CD40LG: variants seen among roughly 807,000 people sequenced by gnomAD.
The protein encoded by CD40LG is CD40 antigen ligand.
Under a neutral mutation model 17.2 loss-of-function variants are expected in CD40LG, and 1 was observed. That is an observed-to-expected ratio of 0.06 (90% CI 0.02 to 0.28). The LOEUF is 0.28. CD40LG is among the 10% of genes least tolerant of loss of function. The pLI is 1.00. For missense variants in CD40LG, 133 were observed against 193.2 expected (o/e 0.69, Z 1.85); for synonymous variants, 66 against 74.4 (o/e 0.89, Z 0.58).
At chrX:136,651,630 C>T (rs1408922823) in intron 2 of CD40LG, among the ~76,000 whole-genome samples, 4 of 111,677 alleles carry the variant, frequency 3.6e-5, no homozygotes, top group Admixed American at 1.9e-4. Flanking sequence ...TGAGTTTCTT[C>T]GGTTCTTCGA....
intron 4 of CD40LG, among the ~76,000 whole-genome samples, chrX:136,657,088 C>T (rs192708840): frequency 1.7e-4 from 19 of 111,807 alleles, no homozygotes; most frequent in Non-Finnish European, 3.4e-4. Flanking sequence ...GAAACATGCA[C>T]GCTAACATAA....
chrX:136,649,441 G>C (rs775086315), intron 1 of CD40LG, among the ~76,000 whole-genome samples: 1 of 112,274 alleles, frequency 8.9e-6, no homozygotes, highest in Non-Finnish European at 1.9e-5. Context: ...GGGGCTTCTG[G>C]TCTGGTTGGT....
Position 136,650,471 on chromosome X carries a change from T to A in CD40LG, c.288+74T>A. ...ATTTGCTAGATCGGGAAACTGACAA[T>A]GCCAATGTTTAAAGATTGGTTATAG... On this transcript the variant is annotated intron_variant, in intron 2 of 4. Coordinates refer to ENST00000370629, the MANE Select transcript of CD40LG (RefSeq NM_000074.3). 21 of 958,394 alleles carry A rather than the reference T, an allele frequency of 2.2e-5. No individual in the cohort carries two copies. The South Asian group carries it at 4.1e-4, about 19-fold the overall frequency. The allele number at this position is 958,394 out of a possible 1,213,427, so 79.0% of individuals were successfully genotyped here.
chrX:136,651,194 A>G (rs951760844), intron 2 of CD40LG, among the ~76,000 whole-genome samples: 1 of 111,159 alleles, frequency 9.0e-6, no homozygotes, highest in African/African-American at 3.3e-5. Flanking sequence ...CTGAGGCAGA[A>G]CATCAAGAGT....
intron 3 of CD40LG, 106 bp downstream of exon 3, chrX:136,654,536 C>A: frequency 1.7e-6 from 1 of 591,715 alleles, no homozygotes; most frequent in Non-Finnish European, 2.9e-6. Flanking sequence ...GAACTTTTAG[C>A]CCTGGAAATA....
intron 1 of CD40LG, 49 bp from the exon 2 acceptor site, chrX:136,650,217 T>C (rs761683992): frequency 2.3e-5 from 23 of 1,001,885 alleles, no homozygotes; most frequent in Non-Finnish European, 3.1e-5. Flanking sequence ...TCATTAGCTG[T>C]ATTCTCCTTC....
intron 2 of CD40LG, among the ~76,000 whole-genome samples, chrX:136,652,559 C>T (rs1243019016): frequency 9.0e-6 from 1 of 111,255 alleles, no homozygotes; most frequent in African/African-American, 3.3e-5. Context: ...TCTCCACCTC[C>T]TGACTAAGTG....
intron 4 of CD40LG, 129 bp from the exon 5 acceptor site, chrX:136,658,910 C>T (rs1400061286): frequency 2.9e-6 from 2 of 701,176 alleles, no homozygotes; most frequent in Non-Finnish European, 4.5e-6. Context: ...GACTCTGAAG[C>T]CCATGGAAGG....
rs2076100334 is a variant in CD40LG, at chrX:136,650,277, A to C, written c.168A>C (p.Glu56Asp). 1 of 1,182,931 alleles carries C rather than the reference A, an allele frequency of 8.5e-7. No individual in the cohort carries two copies. The highest frequency in any genetic ancestry group is 1.8e-5 in the African/African-American group (1 of 56,581). ...LHRRLDKIED[E>D]RNLHEDFVFM... ...TTATTCCAAAATAGATAGAAGATGA[A>C]AGGAATCTTCATGAAGATTTTGTAT... The change falls in exon 2 of 5, where the codon GAA (glutamate) becomes GAC (aspartate). Residue 56 changes from glutamate to aspartate, a missense_variant. By Grantham distance (45) the Glu-to-Asp change is conservative. Transcript: ENST00000370629.
Position 136,656,428 on chromosome X carries a change from A to C in CD40LG, c.409+10A>C, listed in dbSNP as rs1384262221. On this transcript the variant is annotated intron_variant, in intron 4 of 4. Transcript: ENST00000370629. The stretch of plus-strand genomic sequence containing the variant: ...AGTAAAACAACATCTGGTAAGTCAC[A>C]CAGCATCTGAGCGGTAGCCACCCAA... The C allele has an allele frequency of 8.4e-7, 1 of 1,192,170 alleles. No individual in the cohort carries two copies.
chrX:136,660,070 C>A lies in CD40LG; in HGVS notation c.*655C>A, dbSNP rs2076131116. 9.7e-6 allele frequency: 1 copy of A among 102,710 alleles called. No homozygotes were observed. Among genetic ancestry groups the A allele is most frequent in the Non-Finnish European group, 2.0e-5 (1 of 51,037 alleles). The allele number at this position is 102,710 out of a possible 1,213,427, so 8.5% of individuals were successfully genotyped here. A position where few individuals can be genotyped will look rare whatever the true frequency, so the allele number is the denominator to read the frequency against. On this transcript the variant is annotated 3_prime_UTR_variant, in exon 5 of 5. Transcript: ENST00000370629. ...CTCTGTTTCCCTTTGTCAGTCTCTTCCCTCCCCCAGTCTCTCTTCTCAATC... is the reference window on the plus strand; with the variant it reads ...CTCTGTTTCCCTTTGTCAGTCTCTTACCTCCCCCAGTCTCTCTTCTCAATC...
chrX:136,649,115 G>A (rs1010160897), intron 1 of CD40LG, among the ~76,000 whole-genome samples: 1 of 112,244 alleles, frequency 8.9e-6, no homozygotes, highest in Admixed American at 9.4e-5. Flanking sequence ...AAACCATCAG[G>A]ACTTATTTTG....
intron 2 of CD40LG, among the ~76,000 whole-genome samples, chrX:136,650,612 C>T (rs1293107579): frequency 9.1e-6 from 1 of 109,592 alleles, no homozygotes; most frequent in Non-Finnish European, 1.9e-5. Context: ...GGGGAAAATA[C>T]ACCCTTAGGG....
chrX:136,660,120 AC>A lies in CD40LG; in HGVS notation c.*706del, dbSNP rs2076132008. The A allele has an allele frequency of 1.2e-5, 1 of 85,773 alleles. No individual in the cohort carries two copies. The highest frequency in any genetic ancestry group is 4.9e-5 in the African/African-American group (1 of 20,247). The allele number at this position is 85,773 out of a possible 1,213,427, so 7.1% of individuals were successfully genotyped here. A position where few individuals can be genotyped will look rare whatever the true frequency, so the allele number is the denominator to read the frequency against. Reference sequence around the variant, plus strand: ...CCCCCTTTCTAACACACACACACACACACACACACACACACACACACACACA... The same window carrying A: ...CCCCCTTTCTAACACACACACACACAACACACACACACACACACACACACA... On this transcript the variant is annotated 3_prime_UTR_variant, in exon 5 of 5. Transcript: ENST00000370629.
chrX:136,654,031 A>T (rs1345737376), intron 2 of CD40LG, among the ~76,000 whole-genome samples: 1 of 112,138 alleles, frequency 8.9e-6, no homozygotes, highest in East Asian at 2.8e-4. Flanking sequence ...TCATCTCCCC[A>T]TTCGGCATTA....
At position 136,654,394 on chromosome X, in the gene CD40LG, G is replaced by A. The variant is rs752210787; in HGVS notation, c.310G>A (p.Glu104Lys). ...FVKDIMLNKEETKKENSFEMQ... is the reference protein window; with the variant it reads ...FVKDIMLNKEKTKKENSFEMQ... Reference sequence around the variant, plus strand: ...TTAGGATATAATGTTAAACAAAGAGGAGACGAAGAAAGAAAACAGCTTTGA... The same window carrying A: ...TTAGGATATAATGTTAAACAAAGAGAAGACGAAGAAAGAAAACAGCTTTGA... The change falls in exon 3 of 5, where the codon GAG (glutamate) becomes AAG (lysine). Residue 104 changes from glutamate to lysine, a missense_variant. Physicochemically the swap from Glu to Lys is moderately conservative, Grantham distance 56. Coordinates refer to ENST00000370629, the MANE Select transcript of CD40LG (RefSeq NM_000074.3). 1.1e-5 allele frequency: 13 copies of A among 1,202,064 alleles called. No homozygotes were observed. The highest frequency in any genetic ancestry group is 1.4e-5 in the Non-Finnish European group (12 of 886,724).
intron 3 of CD40LG, 117 bp downstream of exon 3, chrX:136,654,547 A>C (rs1022660766): frequency 1.8e-6 from 1 of 546,042 alleles, no homozygotes; most frequent in East Asian, 3.5e-5. Flanking sequence ...CCTGGAAATA[A>C]AACAGGAACA....
At position 136,659,883 on chromosome X, in the gene CD40LG, C is replaced by T; in HGVS notation, c.*468C>T. The T allele has an allele frequency of 9.2e-6, 1 of 109,282 alleles. No homozygotes were observed. The highest frequency in any genetic ancestry group is 1.8e-5 in the Non-Finnish European group (1 of 55,134). 9.0% of individuals were successfully genotyped at this position (109,282 alleles called of 1,213,427 possible). A position where few individuals can be genotyped will look rare whatever the true frequency, so the allele number is the denominator to read the frequency against. On this transcript the variant is annotated 3_prime_UTR_variant, in exon 5 of 5. Coordinates refer to ENST00000370629, the MANE Select transcript of CD40LG (RefSeq NM_000074.3). The stretch of plus-strand genomic sequence containing the variant: ...GTTCCTATGGCCTTGTTGGAGGGGG[C>T]CAGGCTCTAGAACGTCTAACACAGT...
rs749350312 is a variant in CD40LG, at chrX:136,656,349, A to G, written c.347-7A>G. On this transcript the variant is annotated splice_region_variant and splice_polypyrimidine_tract_variant and intron_variant, in intron 3 of 4. Transcript: ENST00000370629. ...TTTTAGCCTGACAGTTTTTGGTTCCATTTCAGGTGATCAGAATCCTCAAAT... is the reference window on the plus strand; with the variant it reads ...TTTTAGCCTGACAGTTTTTGGTTCCGTTTCAGGTGATCAGAATCCTCAAAT... 8.3e-7 allele frequency: 1 copy of G among 1,205,962 alleles called. No individual in the cohort carries two copies.
Sources: allele counts gnomAD v4.1 joint callset (sites outside exome capture counted in the v4.1 genomes callset), GRCh38; gene constraint gnomAD v4.1.1; transcripts MANE v1.5; gene names NCBI Gene and HGNC (gene_info 2026-07-23, HGNC 2026-07-21).